Variants in PCDH9 observed in about 807,000 individuals in gnomAD.
PCDH9 encodes protocadherin 9, also known as protocadherin-9.
Under a neutral mutation model 70.6 loss-of-function variants are expected in PCDH9, and 24 were observed. The observed-to-expected ratio is 0.34, with a 90% CI of 0.25 to 0.48. The LOEUF is 0.48. PCDH9 is among the 20% of genes least tolerant of loss of function. The pLI is 0.99. For synonymous variants in PCDH9, 562 were observed against 558.5 expected (o/e 1.01, Z -0.09); for missense variants, 1,281 against 1,503.6 (o/e 0.85, Z 2.45).
intron 3 of PCDH9, among the ~76,000 whole-genome samples, chr13:66,821,734 A>T (rs1594103991): frequency 1.3e-5 from 2 of 152,322 alleles, no homozygotes; most frequent in South Asian, 4.1e-4. Flanking sequence ...CGAAATCATT[A>T]TTCTTATGCA....
chr13:67,138,867 T>A (rs949744843), intron 2 of PCDH9, among the ~76,000 whole-genome samples: 1 of 152,268 alleles, frequency 6.6e-6, no homozygotes, highest in Admixed American at 6.5e-5. Flanking sequence ...AGTAAGTAAA[T>A]ACTTTGATCA....
chr13:66,387,515 T>C (rs893777193), intron 4 of PCDH9, among the ~76,000 whole-genome samples: 5 of 150,732 alleles, frequency 3.3e-5, no homozygotes, highest in African/African-American at 1.2e-4. Flanking sequence ...AGTAAATTCT[T>C]ACTCTTATTT....
intron 2 of PCDH9, among the ~76,000 whole-genome samples, chr13:67,074,083 C>CTGTTTAT (rs1348547351): frequency 1.8e-4 from 22 of 120,712 alleles, no homozygotes; most frequent in South Asian, 1.1e-3. Context: ...TGTTTATTAT[C>CTGTTTAT]TATCTGTCTG....
At chr13:66,635,240 T>A (rs1248759031) in intron 3 of PCDH9, among the ~76,000 whole-genome samples, 1 of 152,164 alleles carries the variant, frequency 6.6e-6, no homozygotes, top group African/African-American at 2.4e-5. Context: ...CTGTGGGAAA[T>A]ATTTTTATTA....
chr13:67,040,306 C>T (rs539820688), intron 2 of PCDH9, among the ~76,000 whole-genome samples: 20 of 152,172 alleles, frequency 1.3e-4, no homozygotes, highest in South Asian at 6.2e-4. Context: ...GGGATTACTG[C>T]CTTTATAAAA....
intron 3 of PCDH9, among the ~76,000 whole-genome samples, chr13:66,816,341 A>C (rs2080604176): frequency 6.6e-6 from 1 of 152,138 alleles, no homozygotes; most frequent in African/African-American, 2.4e-5. Context: ...CTAAAGCTAA[A>C]CCTGTCCTAG....
intron 3 of PCDH9, among the ~76,000 whole-genome samples, chr13:66,706,884 C>T (rs958884899): frequency 6.6e-6 from 1 of 152,168 alleles, no homozygotes; most frequent in African/African-American, 2.4e-5. Flanking sequence ...CTCACTCAGT[C>T]ATGGAGACTC....
intron 3 of PCDH9, among the ~76,000 whole-genome samples, chr13:66,644,473 C>T (rs1254944146): frequency 1.3e-5 from 2 of 151,990 alleles, no homozygotes; most frequent in East Asian, 3.9e-4. Context: ...AGGAAGTAGA[C>T]AAACTTTTGT....
chr13:67,015,088 C>G (rs2139847757), intron 2 of PCDH9, among the ~76,000 whole-genome samples: 1 of 152,220 alleles, frequency 6.6e-6, no homozygotes, highest in Non-Finnish European at 1.5e-5. Context: ...TAACGATTTT[C>G]TTCTAAAACA....
At chr13:66,882,601 CTCAA>C (rs554045511) in intron 3 of PCDH9, among the ~76,000 whole-genome samples, 120 of 152,166 alleles carry the variant, frequency 7.9e-4, no homozygotes, top group African/African-American at 2.7e-3. Context: ...ATAATTTACC[CTCAA>C]TCAGACTATC....
At chr13:66,380,960 G>A (rs1382762302) in intron 4 of PCDH9, among the ~76,000 whole-genome samples, 2 of 152,018 alleles carry the variant, frequency 1.3e-5, no homozygotes, top group Admixed American at 6.5e-5. Flanking sequence ...GAAGTAATAC[G>A]CGTGTCAACT....
At chr13:66,452,702 A>G (rs1018866274) in intron 4 of PCDH9, among the ~76,000 whole-genome samples, 1 of 152,088 alleles carries the variant, frequency 6.6e-6, no homozygotes, top group Non-Finnish European at 1.5e-5. Flanking sequence ...TGCAAATAAG[A>G]GTTTGCAATT....
At chr13:66,573,967 C>G (rs935769135) in intron 4 of PCDH9, among the ~76,000 whole-genome samples, 2 of 152,044 alleles carry the variant, frequency 1.3e-5, no homozygotes, top group Admixed American at 1.3e-4. Context: ...TTTAACATTC[C>G]ATAGTAGGTC....
At chr13:67,093,702 T>G (rs1265966261) in intron 2 of PCDH9, among the ~76,000 whole-genome samples, 12 of 152,160 alleles carry the variant, frequency 7.9e-5, no homozygotes, top group Admixed American at 7.9e-4. Flanking sequence ...GCAAAGTGGC[T>G]ACATAGTTAC....
intron 2 of PCDH9, among the ~76,000 whole-genome samples, chr13:66,932,268 T>A (rs768250685): frequency 1.3e-5 from 2 of 152,078 alleles, no homozygotes; most frequent in Non-Finnish European, 2.9e-5. Context: ...AGCTTTCCCG[T>A]GTCTCAGTTT....
Position 66,672,608 on chromosome 13 carries a change from C to T in PCDH9, c.3139-41197G>A, listed in dbSNP as rs1422758520. Among the ~76,000 whole-genome samples the T allele has an allele frequency of 2.6e-5, 4 of 152,260 alleles. No homozygotes were observed. The East Asian group carries it at 7.7e-4, about 29-fold the overall frequency. On this transcript the variant is annotated intron_variant, in intron 3 of 4. Transcript: ENST00000377865. The stretch of plus-strand genomic sequence containing the variant: ...TACACTGAAAGCTTGCACCATGTGC[C>T]TGGAAAAGCTGCACACACTCAACAT...
chr13:66,406,768 C>T (rs183175249), intron 4 of PCDH9, among the ~76,000 whole-genome samples: 1 of 152,148 alleles, frequency 6.6e-6, no homozygotes, highest in Non-Finnish European at 1.5e-5. Context: ...AAACAAATAA[C>T]TAAAACAACC....
At position 66,303,838 on chromosome 13, in the gene PCDH9, T is replaced by C. The variant is rs1423803696; in HGVS notation, c.*817A>G. 1 of 152,138 alleles carries C rather than the reference T, an allele frequency of 6.6e-6. No homozygotes were observed. The highest frequency in any genetic ancestry group is 1.5e-5 in the Non-Finnish European group (1 of 67,998). The allele number at this position is 152,138 out of a possible 1,614,324, so 9.4% of individuals were successfully genotyped here. On this transcript the variant is annotated 3_prime_UTR_variant, in exon 5 of 5. Coordinates refer to ENST00000377865, the MANE Select transcript of PCDH9 (RefSeq NM_203487.3). The stretch of plus-strand genomic sequence containing the variant: ...CTTTTTTGTATAAAGTTTTCATTTT[T>C]TCTTTCATCTTTATTGTTTACAGAA...
intron 2 of PCDH9, among the ~76,000 whole-genome samples, chr13:66,967,181 G>T (rs2139738680): frequency 6.6e-6 from 1 of 151,990 alleles, no homozygotes; most frequent in African/African-American, 2.4e-5. Context: ...ACTTAAAATG[G>T]CAGAATGTAT....
Sources: gnomAD v4.1 joint callset for allele counts (sites outside exome capture counted in the v4.1 genomes callset) on GRCh38, gnomAD v4.1.1 for gene constraint, MANE v1.5 for transcripts, NCBI Gene and HGNC (gene_info 2026-07-23, HGNC 2026-07-21) for gene names.